Variants in ZNF644 observed in about 807,000 individuals in gnomAD.
The protein encoded by ZNF644 is zinc finger motif enhancer binding protein 2.
In ZNF644, 20 loss-of-function variants were observed where a neutral mutation model predicts 108.0. The observed-to-expected ratio is 0.19, with a 90% CI of 0.13 to 0.27. The LOEUF is 0.27. Ranked by LOEUF, ZNF644 falls within the 10% of genes least tolerant of loss-of-function variation. The probability of loss-of-function intolerance (pLI) is 1.00; values close to 1 mark genes in which losing one functional copy is unlikely to be tolerated. For synonymous variants in ZNF644, 542 were observed against 539.1 expected, an observed-to-expected ratio of 1.01 and a Z score of -0.08; for missense variants, 1,338 against 1,548.9, an observed-to-expected ratio of 0.86 and a Z score of 2.29.
At chr1:90,985,113 C>T (rs1570505138) in intron 1 of ZNF644, among the ~76,000 whole-genome samples, 1 of 152,158 alleles carries the variant, frequency 6.6e-6, no homozygotes, top group African/African-American at 2.4e-5. Context: ...AACCTTTTAA[C>T]TGCATTTGTT....
chr1:90,939,629 A>G lies in ZNF644; in HGVS notation c.1725T>C (p.Ser575=), dbSNP rs1186494503. ...KTQKKTFMKD[S]VVGSSKKSAT... ...CTGATTTTTTGGATGATCCTACTAC[A>G]GAGTCTTTCATGAAAGTCTTTTTTT... Residue 575 remains serine (S), a synonymous_variant, in exon 3 of 6, where the codon TCT becomes TCC. Transcript: ENST00000337393. 6.2e-7 allele frequency: 1 copy of G among 1,613,938 alleles called. No homozygotes were observed. Among genetic ancestry groups the G allele is most frequent in the African/African-American group, 1.3e-5 (1 of 74,924 alleles).
chr1:90,958,364 A>AT (rs1422933779), intron 2 of ZNF644, among the ~76,000 whole-genome samples: 10 of 152,040 alleles, frequency 6.6e-5, no homozygotes, highest in African/African-American at 2.2e-4. Context: ...ATGTTCATGG[A>AT]TTTCAAGACT....
chr1:91,014,833 G>T (rs1336768832), intron 1 of ZNF644, among the ~76,000 whole-genome samples: 1 of 152,106 alleles, frequency 6.6e-6, no homozygotes, highest in Non-Finnish European at 1.5e-5. Context: ...TAGGTAAAAG[G>T]ATATATATGT....
At chr1:90,985,141 A>T (rs1656967917) in intron 1 of ZNF644, among the ~76,000 whole-genome samples, 1 of 152,200 alleles carries the variant, frequency 6.6e-6, no homozygotes. Flanking sequence ...AACCTAAACC[A>T]GCACATTTTA....
rs991836350 is a variant in ZNF644, at chr1:91,007,228, T to G, written c.-18+14762A>C. On this transcript the variant is annotated intron_variant, in intron 1 of 5. Transcript: ENST00000337393. The stretch of plus-strand genomic sequence containing the variant: ...TTCTTCCATTTTCTCCCATTTTGTT[T>G]TTTTTTTTTTTTTTTTTTTTTTTTT... 5.2e-5 allele frequency among the ~76,000 whole-genome samples: 6 copies of G among 116,186 alleles called. No individual in the cohort carries two copies. The East Asian group carries it at 9.2e-4, about 18-fold the overall frequency. 76.2% of individuals were successfully genotyped at this position (116,186 alleles called of 152,430 possible). A position where few individuals can be genotyped will look rare whatever the true frequency, so the allele number is the denominator to read the frequency against.
rs777200459 is a variant in ZNF644, at chr1:90,939,350, G to A, written c.2004C>T (p.Thr668=). ...TTTTTGAAAAACTACTTGATTGTGA[G>A]GTTGATCCAAATGTTCGCTTCACAT... The part of the protein sequence containing the change: ...KQDVKRTFGS[T]SQSSSFSKIH... Residue 668 remains threonine (T), a synonymous_variant, in exon 3 of 6, where the codon ACC becomes ACT. Coordinates refer to ENST00000337393, the MANE Select transcript of ZNF644 (RefSeq NM_201269.3). 22 of 1,613,994 alleles carry A rather than the reference G, an allele frequency of 1.4e-5. No homozygotes were observed. The Admixed American group carries it at 3.3e-4, about 24-fold the overall frequency.
In ZNF644 at chr1:90,939,944, G is replaced by A. The variant is rs1651773244; in HGVS notation, c.1410C>T (p.His470=). 3.7e-6 allele frequency: 6 copies of A among 1,613,918 alleles called. No homozygotes were observed. The East Asian group carries it at 1.3e-4, about 36-fold the overall frequency. Residue 470 remains histidine, a synonymous_variant, in exon 3 of 6, where the codon CAC becomes CAT. Transcript: ENST00000337393. ...RNSLLKHMII[H]QERRQKLMEE... ...CCATCAACTTCTGTCTTCTCTCCTG[G>A]TGAATAATCATATGTTTTAGAAGTG...
intron 2 of ZNF644, among the ~76,000 whole-genome samples, chr1:90,965,464 TTTCC>T (rs1481384557): frequency 2.0e-5 from 3 of 152,160 alleles, no homozygotes; most frequent in Non-Finnish European, 4.4e-5. Context: ...AGACCCTATA[TTTCC>T]AAGTGAGGTT....
intron 2 of ZNF644, 68 bp from the exon 3 acceptor site, chr1:90,941,377 T>C: frequency 7.3e-7 from 1 of 1,367,016 alleles, no homozygotes; most frequent in South Asian, 1.3e-5. Context: ...GTATGGAGAG[T>C]TGAAAGTACA....
At chr1:90,999,654 A>G (rs1658550160) in intron 1 of ZNF644, among the ~76,000 whole-genome samples, 1 of 152,198 alleles carries the variant, frequency 6.6e-6, no homozygotes, top group Admixed American at 6.5e-5. Context: ...ACCAGCTAAC[A>G]TCATAATGAC....
At chr1:90,978,585 T>C (rs1330723180) in intron 2 of ZNF644, among the ~76,000 whole-genome samples, 1 of 152,058 alleles carries the variant, frequency 6.6e-6, no homozygotes, top group Admixed American at 6.5e-5. Context: ...CTAAGACAAA[T>C]ATCCATAAAG....
chr1:91,005,688 G>GA (rs1557656516), intron 1 of ZNF644, among the ~76,000 whole-genome samples: 1 of 151,996 alleles, frequency 6.6e-6, no homozygotes, highest in East Asian at 1.9e-4. Flanking sequence ...GTAAGCCAAA[G>GA]AAATTGCATT....
At chr1:90,984,225 A>C (rs1250039505) in intron 1 of ZNF644, among the ~76,000 whole-genome samples, 1 of 152,186 alleles carries the variant, frequency 6.6e-6, no homozygotes, top group African/African-American at 2.4e-5. Flanking sequence ...ACAGGAAATT[A>C]ATACACTGAA....
At position 90,987,977 on chromosome 1, in the gene ZNF644, C is replaced by T. The variant is rs115528348; in HGVS notation, c.-17-5607G>A. On this transcript the variant is annotated intron_variant, in intron 1 of 5. Transcript: ENST00000337393. ...ACACTCAACCGTGAAAGACTGAAAG[C>T]GTTTCCTCTAAGATAGAGAACAAAG... Among the ~76,000 whole-genome samples the T allele has an allele frequency of 2.0e-3, 308 of 152,186 alleles. 2 individuals are homozygous for T. The highest frequency in any genetic ancestry group is 6.9e-3 in the African/African-American group (286 of 41,530).
At chr1:90,942,806 G>A (rs1652125323) in intron 2 of ZNF644, among the ~76,000 whole-genome samples, 1 of 152,088 alleles carries the variant, frequency 6.6e-6, no homozygotes, top group Admixed American at 6.5e-5. Flanking sequence ...ACTAATTGAA[G>A]TACTGGCATC....
chr1:90,987,691 A>C (rs1404533988), intron 1 of ZNF644, among the ~76,000 whole-genome samples: 2 of 152,156 alleles, frequency 1.3e-5, no homozygotes, highest in African/African-American at 4.8e-5. Context: ...GGTCAGCATT[A>C]CCCTGACACC....
At chr1:90,927,846 C>T (rs1650230200) in intron 4 of ZNF644, among the ~76,000 whole-genome samples, 1 of 151,528 alleles carries the variant, frequency 6.6e-6, no homozygotes, top group Non-Finnish European at 1.5e-5. Flanking sequence ...TCTTTCCTTC[C>T]TTCCTTCCTT....
chr1:90,994,908 A>G (rs1557642776), intron 1 of ZNF644, among the ~76,000 whole-genome samples: 1 of 152,204 alleles, frequency 6.6e-6, no homozygotes, highest in East Asian at 1.9e-4. Context: ...CCGTGGCTGC[A>G]TACATCAGGG....
chr1:90,926,008 CCAT>C (rs1649991967), intron 4 of ZNF644, among the ~76,000 whole-genome samples: 1 of 152,058 alleles, frequency 6.6e-6, no homozygotes, highest in Non-Finnish European at 1.5e-5. Flanking sequence ...TCACTAACCA[CCAT>C]AAAACTTTCC....
Sources: gnomAD v4.1 joint callset for allele counts (sites outside exome capture counted in the v4.1 genomes callset) on GRCh38, gnomAD v4.1.1 for gene constraint, MANE v1.5 for transcripts, NCBI Gene and HGNC (gene_info 2026-07-23, HGNC 2026-07-21) for gene names.